ST8SIA5: variants seen among roughly 807,000 people sequenced by gnomAD.
ST8SIA5 encodes alpha-2,8-sialyltransferase 8E.
Under a neutral mutation model 40.2 loss-of-function variants are expected in ST8SIA5, and 24 were observed. The ratio of observed to expected loss-of-function variants is 0.60; its 90% confidence interval spans 0.43 to 0.84. ST8SIA5 has a LOEUF of 0.84. ST8SIA5 is among the 40% of genes least tolerant of loss of function. The pLI, the probability that ST8SIA5 is intolerant of heterozygous loss-of-function variation, is 0.00. For synonymous variants in ST8SIA5, 198 were observed against 201.8 expected (o/e 0.98, Z 0.16); for missense variants, 465 against 498.5 (o/e 0.93, Z 0.64).
At chr18:46,748,990 G>A (rs1248672577) in intron 1 of ST8SIA5, among the ~76,000 whole-genome samples, 1 of 152,148 alleles carries the variant, frequency 6.6e-6, no homozygotes, top group East Asian at 1.9e-4. Context: ...GAAACAGAAT[G>A]CAGTCTATCC....
chr18:46,726,788 G>A (rs150338268), intron 1 of ST8SIA5, among the ~76,000 whole-genome samples: 1,944 of 152,114 alleles, frequency 0.013, 62 homozygotes, highest in African/African-American at 0.044. Context: ...GTGTGGTGGC[G>A]CATGCCTGTA....
intron 1 of ST8SIA5, among the ~76,000 whole-genome samples, chr18:46,746,170 C>T (rs1323075022): frequency 6.6e-6 from 1 of 152,152 alleles, no homozygotes; most frequent in Admixed American, 6.5e-5. Context: ...AAAATGATGT[C>T]CTCTCTCACC....
At position 46,747,345 on chromosome 18, in the gene ST8SIA5, A is replaced by C. The variant is rs965146224; in HGVS notation, c.131+9033T>G. Among the ~76,000 whole-genome samples the C allele has an allele frequency of 6.6e-5, 10 of 152,238 alleles. No homozygotes were observed. The East Asian group carries it at 1.3e-3, about 20-fold the overall frequency. ...ATCTGACAAAGGGTTAATATCCAGA[A>C]TCTACAAAGAATTTAAACAAATTTA... On this transcript the variant is annotated intron_variant, in intron 1 of 6. Transcript: ENST00000315087.
chr18:46,731,339 A>G (rs1242301957), intron 1 of ST8SIA5, among the ~76,000 whole-genome samples: 1 of 152,262 alleles, frequency 6.6e-6, no homozygotes, highest in Non-Finnish European at 1.5e-5. Context: ...TGGTATTAAC[A>G]CAAAAATGAA....
Position 46,679,855 on chromosome 18 carries a change from G to T in ST8SIA5, c.*187C>A. ...GGGCCAGGCCAGGAGGCTCAGCACA[G>T]AGCTGACTCTGCCCCGGTTCCTAAC... On this transcript the variant is annotated 3_prime_UTR_variant, in exon 7 of 7. Transcript: ENST00000315087. 1 of 648,560 alleles carries T rather than the reference G, an allele frequency of 1.5e-6. No homozygotes were observed. The highest frequency in any genetic ancestry group is 2.6e-6 in the Non-Finnish European group (1 of 382,718). The allele number at this position is 648,560 out of a possible 1,614,324, so 40.2% of individuals were successfully genotyped here. A position where few individuals can be genotyped will look rare whatever the true frequency, so the allele number is the denominator to read the frequency against.
Position 46,746,556 on chromosome 18 carries a change from T to C in ST8SIA5, c.131+9822A>G, listed in dbSNP as rs189704842. Among the ~76,000 whole-genome samples the C allele has an allele frequency of 2.0e-5, 3 of 152,050 alleles. No homozygotes were observed. In the East Asian group the frequency reaches 5.8e-4, roughly 29 times the overall value. ...AGGAGAACTACAAACCACTGCTCAGTGAAATAAAAGAGGACACAAACAAAA... is the reference window on the plus strand; with the variant it reads ...AGGAGAACTACAAACCACTGCTCAGCGAAATAAAAGAGGACACAAACAAAA... On this transcript the variant is annotated intron_variant, in intron 1 of 6. Transcript: ENST00000315087.
chr18:46,688,846 T>C lies in ST8SIA5; in HGVS notation c.385A>G (p.Lys129Glu). Residue 129 changes from lysine to glutamate, a missense_variant, in exon 4 of 7, where the codon AAG becomes GAG. Lys to Glu is a moderately conservative substitution (Grantham distance 56, BLOSUM62 1). Coordinates refer to ENST00000315087, the MANE Select transcript of ST8SIA5 (RefSeq NM_013305.6). ...CTGGTGTCCACCTCATACTTGAGCT[T>C]TGTCCCCAGGGGAGTGTTCTTCTGG... Reference protein sequence around the residue: ...TTQKNTPLGTKLKYEVDTSGI... With the variant: ...TTQKNTPLGTELKYEVDTSGI... The C allele has an allele frequency of 6.2e-7, 1 of 1,613,980 alleles. No individual in the cohort carries two copies. Among genetic ancestry groups the C allele is most frequent in the Non-Finnish European group, 8.5e-7 (1 of 1,179,972 alleles).
At chr18:46,714,607 C>T (rs1275211976) in intron 1 of ST8SIA5, among the ~76,000 whole-genome samples, 1 of 152,130 alleles carries the variant, frequency 6.6e-6, no homozygotes, top group Non-Finnish European at 1.5e-5. Context: ...GGAGGGAGTG[C>T]TATCCCCCCA....
At chr18:46,739,455 A>T (rs568555894) in intron 1 of ST8SIA5, among the ~76,000 whole-genome samples, 1 of 152,130 alleles carries the variant, frequency 6.6e-6, no homozygotes, top group Admixed American at 6.5e-5. Context: ...AATTGCTTGA[A>T]CCCGGGAGGC....
At chr18:46,709,661 T>C (rs935576057) in intron 1 of ST8SIA5, among the ~76,000 whole-genome samples, 12 of 152,262 alleles carry the variant, frequency 7.9e-5, no homozygotes, top group African/African-American at 2.4e-4. Context: ...CACATGACAA[T>C]GTTGAGTAAA....
intron 1 of ST8SIA5, among the ~76,000 whole-genome samples, chr18:46,746,834 A>G (rs1048278573): frequency 1.3e-5 from 2 of 152,246 alleles, no homozygotes; most frequent in Admixed American, 1.3e-4. Flanking sequence ...ACAAGGCTAC[A>G]GTAACCAAAA....
chr18:46,752,502 C>T (rs913547309), intron 1 of ST8SIA5, among the ~76,000 whole-genome samples: 4 of 152,192 alleles, frequency 2.6e-5, no homozygotes, highest in Admixed American at 6.5e-5. Flanking sequence ...ATAGCACATG[C>T]TTTCTCCATT....
At chr18:46,742,219 A>G (rs1053589711) in intron 1 of ST8SIA5, among the ~76,000 whole-genome samples, 1 of 152,152 alleles carries the variant, frequency 6.6e-6, no homozygotes, top group African/African-American at 2.4e-5. Context: ...ATAAGCAAAC[A>G]TATTCAATGA....
chr18:46,728,203 A>C (rs573466773), intron 1 of ST8SIA5, among the ~76,000 whole-genome samples: 1 of 152,202 alleles, frequency 6.6e-6, no homozygotes, highest in African/African-American at 2.4e-5. Context: ...CAAAAAAAAA[A>C]AAAAAACTAT....
chr18:46,689,232 A>G (rs1297561241), intron 3 of ST8SIA5, among the ~76,000 whole-genome samples: 3 of 152,022 alleles, frequency 2.0e-5, no homozygotes, highest in Non-Finnish European at 4.4e-5. Flanking sequence ...CCACTCATTC[A>G]GGGCCCAGGC....
intron 5 of ST8SIA5, chr18:46,685,872 T>A: frequency 2.8e-6 from 1 of 360,140 alleles, no homozygotes; most frequent in East Asian, 5.1e-5. Context: ...AAGGAGACGG[T>A]GCCCAGAGGA....
chr18:46,704,240 A>G (rs1376972138), intron 2 of ST8SIA5, among the ~76,000 whole-genome samples: 2 of 152,210 alleles, frequency 1.3e-5, no homozygotes, highest in African/African-American at 4.8e-5. Context: ...TTCAGGCAAA[A>G]CAGTCCTGTG....
In ST8SIA5 at chr18:46,744,435, CTT is replaced by C. The variant is rs543211154; in HGVS notation, c.131+11941_131+11942del. Among the ~76,000 whole-genome samples the C allele has an allele frequency of 8.2e-3, 1,255 of 152,232 alleles. 22 individuals carry two copies. Among genetic ancestry groups the C allele is most frequent in the African/African-American group, 0.029 (1,200 of 41,516 alleles). On this transcript the variant is annotated intron_variant, in intron 1 of 6. Transcript: ENST00000315087. ...CAATCCTAGGCTCTGATAAAACAGACTTTAAGCCAACAAAGATCAAAAGAGAC... is the reference window on the plus strand; with the variant it reads ...CAATCCTAGGCTCTGATAAAACAGACTAAGCCAACAAAGATCAAAAGAGAC...
chr18:46,725,984 T>TATATATATATATATATATATCTCCTGG (rs1568271304), intron 1 of ST8SIA5, among the ~76,000 whole-genome samples: 1 of 43,680 alleles, frequency 2.3e-5, no homozygotes, highest in African/African-American at 9.2e-5. Flanking sequence ...TATATATATA[T>TATATATATATATATATATATCTCCTGG]ATATATATAT....
Sources: gnomAD v4.1 joint callset for allele counts (sites outside exome capture counted in the v4.1 genomes callset) on GRCh38, gnomAD v4.1.1 for gene constraint, MANE v1.5 for transcripts, NCBI Gene and HGNC (gene_info 2026-07-23, HGNC 2026-07-21) for gene names.